The following SCPEP1 variants were observed in gnomAD, a reference collection of about 807,000 sequenced individuals.
SCPEP1 encodes serine carboxypeptidase 1.
A neutral mutation model predicts 63.8 loss-of-function variants in SCPEP1; 51 were observed. The ratio of observed to expected loss-of-function variants is 0.80; its 90% confidence interval spans 0.64 to 1.01. SCPEP1 has a LOEUF of 1.01. Among genes scored for constraint, SCPEP1 ranks in the 50% least tolerant of loss-of-function variants. The pLI, the probability that SCPEP1 is intolerant of heterozygous loss-of-function variation, is 0.00. For synonymous variants in SCPEP1, 204 were observed against 207.8 expected (o/e 0.98, Z 0.16); for missense variants, 499 against 554.9 (o/e 0.90, Z 1.01).
At chr17:57,001,525 G>A (rs1043281735) in intron 11 of SCPEP1, among the ~76,000 whole-genome samples, 1 of 152,186 alleles carries the variant, frequency 6.6e-6, no homozygotes, top group African/African-American at 2.4e-5. Context: ...AACTGGCAGG[G>A]TAATTGAGGC....
chr17:56,989,939 CA>C (rs564501652), intron 5 of SCPEP1, among the ~76,000 whole-genome samples: 1,696 of 142,130 alleles, frequency 0.012, 18 homozygotes, highest in African/African-American at 0.04. Context: ...GACTCTTTCT[CA>C]AAAAAAAAAA....
chr17:56,990,392 C>G (rs894837639), intron 5 of SCPEP1, among the ~76,000 whole-genome samples: 1 of 152,082 alleles, frequency 6.6e-6, no homozygotes, highest in African/African-American at 2.4e-5. Flanking sequence ...AGCATATGTA[C>G]ATTATAGAAT....
rs1463046206 is a variant in SCPEP1, at chr17:56,997,080, A to G, written c.880+25A>G. On this transcript the variant is annotated intron_variant, in intron 9 of 12. Coordinates refer to ENST00000262288, the MANE Select transcript of SCPEP1 (RefSeq NM_021626.3). ...GGTGAGTGAACCTTGAAGTTATTAA[A>G]GTCCCTGCCTCAGCCTCCATGCAAA... 28 of 1,406,798 alleles carry G rather than the reference A, an allele frequency of 2.0e-5. 1 individual carries two copies. Among genetic ancestry groups the G allele is most frequent in the Non-Finnish European group, 2.5e-5 (26 of 1,031,042 alleles). The allele number at this position is 1,406,798 out of a possible 1,614,324, so 87.1% of individuals were successfully genotyped here.
At chr17:56,982,478 G>A (rs1598113587) in intron 2 of SCPEP1, among the ~76,000 whole-genome samples, 1 of 152,172 alleles carries the variant, frequency 6.6e-6, no homozygotes, top group South Asian at 2.1e-4. Context: ...CCCCAGGTGC[G>A]GTTATGATAA....
At chr17:56,984,535 AGAATC>A (rs1911160045) in intron 2 of SCPEP1, 1 of 152,562 alleles carries the variant, frequency 6.6e-6, no homozygotes, top group Non-Finnish European at 1.5e-5. Flanking sequence ...GCTGTGGTTC[AGAATC>A]CTGCCTTTCC....
At chr17:56,995,092 G>C in intron 7 of SCPEP1, 74 bp downstream of exon 7, 1 of 1,345,244 alleles carries the variant, frequency 7.4e-7, no homozygotes, top group Non-Finnish European at 1.1e-6. Context: ...CCCAGGAAAA[G>C]AGATGCTGGA....
chr17:56,991,258 G>A, intron 6 of SCPEP1, 87 bp downstream of exon 6: 3 of 1,010,048 alleles, frequency 3.0e-6, no homozygotes, highest in Non-Finnish European at 4.8e-6. Context: ...AGATCAAAGA[G>A]CTAAGCAGGA....
chr17:56,998,566 AC>A (rs1911645400), intron 10 of SCPEP1, 68 bp downstream of exon 10: 2 of 1,221,796 alleles, frequency 1.6e-6, no homozygotes, highest in East Asian at 2.3e-5. Flanking sequence ...AAATTCAGAG[AC>A]CTGAATTTGT....
In SCPEP1 at chr17:56,978,142, T is replaced by C. The variant is rs1466753768; in HGVS notation, c.-18T>C. 3 of 1,193,772 alleles carry C rather than the reference T, an allele frequency of 2.5e-6. No individual in the cohort carries two copies. The African/African-American group carries it at 4.8e-5, about 19-fold the overall frequency. 73.9% of individuals were successfully genotyped at this position (1,193,772 alleles called of 1,614,324 possible). ...GCCGGGTCCAGCCTGTTGCTGATGC[T>C]GCCGTGCGGTACTTGTCATGGAGCT... is the stretch of plus-strand genomic sequence containing the variant. On this transcript the variant is annotated 5_prime_UTR_variant, in exon 1 of 13. Transcript: ENST00000262288.
chr17:56,998,769 T>C (rs1004417676), intron 10 of SCPEP1, among the ~76,000 whole-genome samples: 1 of 151,864 alleles, frequency 6.6e-6, no homozygotes, highest in Non-Finnish European at 1.5e-5. Flanking sequence ...TTAAGCAACA[T>C]AGTAAAGCCC....
At chr17:57,001,876 A>G (rs764415897) in intron 11 of SCPEP1, 142 bp from the exon 12 acceptor site, 4 of 866,572 alleles carry the variant, frequency 4.6e-6, no homozygotes, top group Non-Finnish European at 7.1e-6. Flanking sequence ...GATCTTCTGA[A>G]TCAGAATTTG....
chr17:56,988,086 G>A, intron 4 of SCPEP1, 130 bp from the exon 5 acceptor site: 1 of 791,770 alleles, frequency 1.3e-6, no homozygotes, highest in Non-Finnish European at 2.0e-6. Flanking sequence ...CAGATATGGA[G>A]TGGTGGGGGA....
intron 2 of SCPEP1, among the ~76,000 whole-genome samples, chr17:56,982,335 G>T (rs1445789402): frequency 1.3e-5 from 2 of 152,158 alleles, no homozygotes; most frequent in Non-Finnish European, 2.9e-5. Context: ...CCACCACCTG[G>T]GTTTTGCCTC....
At position 56,985,318 on chromosome 17, in the gene SCPEP1, A is replaced by G. The variant is rs185530226; in HGVS notation, c.226-60A>G. ...TAAACCATCTATAGCAAATGTGGTC[A>G]TTCATTGTAAAGACTAAGATCTGAC... On this transcript the variant is annotated intron_variant, in intron 2 of 12. Transcript: ENST00000262288. The G allele has an allele frequency of 1.3e-4, 159 of 1,266,192 alleles. 1 individual carries two copies. In the African/African-American group the frequency reaches 1.8e-3, roughly 14 times the overall value. 78.4% of individuals were successfully genotyped at this position (1,266,192 alleles called of 1,614,324 possible).
In SCPEP1 at chr17:56,998,485, T is replaced by C. The variant is rs1031094105; in HGVS notation, c.981T>C (p.Asp327=). ...AGAAGCTCAAAATTATTCCTGAGGA[T>C]CAATCCTGGGGAGGTACTTATATGA... ...IRKKLKIIPE[D]QSWGGQATNV... The change falls in exon 10 of 13, where the codon GAT becomes GAC. Residue 327 remains aspartate (D), a synonymous_variant. Coordinates refer to ENST00000262288, the MANE Select transcript of SCPEP1 (RefSeq NM_021626.3). 6.2e-7 allele frequency: 1 copy of C among 1,613,012 alleles called. No homozygotes were observed. Among genetic ancestry groups the C allele is most frequent in the Non-Finnish European group, 8.5e-7 (1 of 1,179,164 alleles).
At position 56,998,480 on chromosome 17, in the gene SCPEP1, G is replaced by A; in HGVS notation, c.976G>A (p.Glu326Lys). Residue 326 changes from glutamate to lysine, a missense_variant, in exon 10 of 13, where the codon GAG (glutamate) becomes AAG (lysine). Glu to Lys is a moderately conservative substitution (Grantham distance 56). Transcript: ENST00000262288. ...PIRKKLKIIP[E>K]DQSWGGQATN... ...CAGAAAGAAGCTCAAAATTATTCCTGAGGATCAATCCTGGGGAGGTACTTA... is the reference window on the plus strand; with the variant it reads ...CAGAAAGAAGCTCAAAATTATTCCTAAGGATCAATCCTGGGGAGGTACTTA... 1 of 1,613,584 alleles carries A rather than the reference G, an allele frequency of 6.2e-7. No homozygotes were observed. Among genetic ancestry groups the A allele is most frequent in the Non-Finnish European group, 8.5e-7 (1 of 1,179,592 alleles).
intron 10 of SCPEP1, 95 bp downstream of exon 10, chr17:56,998,593 G>A: frequency 1.1e-6 from 1 of 908,148 alleles, no homozygotes; most frequent in South Asian, 1.4e-5. Context: ...GGGTTTTGTT[G>A]TTGGTGATGA....
intron 9 of SCPEP1, chr17:56,998,078 T>C: frequency 3.5e-6 from 1 of 283,170 alleles, no homozygotes; most frequent in South Asian, 3.8e-5. Context: ...CTTGGGAGGC[T>C]GAGGCGGGTG....
At chr17:56,991,225 T>G in intron 6 of SCPEP1, 54 bp downstream of exon 6, 1 of 1,318,280 alleles carries the variant, frequency 7.6e-7, no homozygotes, top group Non-Finnish European at 1.1e-6. Context: ...CATCCTTTCC[T>G]GGGACTTTGG....
Sources: gnomAD v4.1 joint callset for allele counts (sites outside exome capture counted in the v4.1 genomes callset) on GRCh38, gnomAD v4.1.1 for gene constraint, MANE v1.5 for transcripts, NCBI Gene and HGNC (gene_info 2026-07-23, HGNC 2026-07-21) for gene names.